LHB: variants seen among roughly 807,000 people sequenced by gnomAD.
LHB encodes the protein luteinizing hormone subunit beta, also known as lutropin subunit beta.
In LHB, 11 loss-of-function variants were observed where a neutral mutation model predicts 10.6. The ratio of observed to expected loss-of-function variants is 1.04; its 90% CI spans 0.66 to 1.72. LHB has a LOEUF of 1.72. Among genes scored for constraint, LHB ranks in the 40% most tolerant of loss-of-function variants. The pLI, the probability that LHB is intolerant of heterozygous loss-of-function variation, is 0.00. For synonymous variants in LHB, 86 were observed against 83.1 expected, an observed-to-expected ratio of 1.03 and a Z score of -0.19; for missense variants, 184 against 197.3, an observed-to-expected ratio of 0.93 and a Z score of 0.41.
At chr19:49,016,346 C>T (rs751277437) in intron 2 of LHB, 36 bp from the exon 3 acceptor site, 135 of 1,606,916 alleles carry the variant, frequency 8.4e-5, no homozygotes, top group Non-Finnish European at 1.1e-4. Context: ...GAGCATGTGC[C>T]TGAGGCCAGC....
chr19:49,018,439 T>C, upstream of LHB: 2 of 732,868 alleles, frequency 2.7e-6, no homozygotes, highest in Non-Finnish European at 3.8e-6. Context: ...AACTCCTGCA[T>C]TTCCAGGCGA....
At chr19:49,016,477 TCCTC>T in intron 2 of LHB, 66 bp downstream of exon 2, 3 of 1,603,664 alleles carry the variant, frequency 1.9e-6, no homozygotes, top group Non-Finnish European at 2.5e-6. Flanking sequence ...AGACCACCCT[TCCTC>T]CCCCGCTGCC....
rs1263026502 is a variant in LHB at position 49,016,589 on chromosome 19, G to A, written c.141C>T (p.Ile47=). ...AVEKEGCPVC[I]TVNTTICAGY... ...CGGCACAGATGGTGGTGTTGACGGT[G>A]ATGCACACTGGGCAGCCCTCCTTCT... Residue 47 remains isoleucine (I), a synonymous_variant, in exon 2 of 3, where the codon ATC becomes ATT. Coordinates refer to ENST00000649238, the MANE Select transcript of LHB (RefSeq NM_000894.3). The A allele has an allele frequency of 2.5e-6, 4 of 1,611,242 alleles. No homozygotes were observed. In the South Asian group the frequency reaches 3.3e-5, roughly 13 times the overall value.
At chr19:49,017,566 C>G, upstream of LHB, 1 of 1,094,538 alleles carries the variant, frequency 9.1e-7, no homozygotes, top group Non-Finnish European at 1.1e-6. Flanking sequence ...ACTGTGCTGC[C>G]AGGGAAGCCA....
upstream of LHB, chr19:49,018,950 T>C: frequency 6.5e-7 from 1 of 1,534,390 alleles, no homozygotes; most frequent in Non-Finnish European, 8.7e-7. Flanking sequence ...GGTCGGATAC[T>C]GTGAAAGGCC....
At position 49,016,124 on chromosome 19, in the gene LHB, T is replaced by C; in HGVS notation, c.370A>G (p.Lys124Glu). ...RRSTSDCGGP[K>E]DHPLTCDHPQ... ...TGGTCACAGGTCAAGGGGTGGTCTT[T>C]GGGACCCCCACAGTCAGAGGTGCTG... The change falls in exon 3 of 3, where the codon AAA becomes GAA. Residue 124 changes from lysine (K) to glutamate (E), a missense_variant. Coordinates refer to ENST00000649238, the MANE Select transcript of LHB (RefSeq NM_000894.3). The C allele has an allele frequency of 2.5e-6, 4 of 1,612,860 alleles. No homozygotes were observed. The highest frequency in any genetic ancestry group is 3.4e-6 in the Non-Finnish European group (4 of 1,179,988).
intron 1 of LHB, 46 bp downstream of exon 1, chr19:49,017,021 T>C (rs1568647073): frequency 1.2e-6 from 2 of 1,613,202 alleles, no homozygotes; most frequent in Middle Eastern, 1.9e-4. Context: ...ATGCCAGTGA[T>C]GGCCTGGAAG....
rs141051440 is a variant in LHB at position 49,016,868 on chromosome 19, C to T, written c.16-154G>A. On this transcript the variant is annotated intron_variant, in intron 1 of 2. Transcript: ENST00000649238. ...CACCCGGACACCTGCCTTTCAGAGC[C>T]CACCCCACAGCCCAGAGGACCTGAG... 571 of 1,574,094 alleles carry T rather than the reference C, an allele frequency of 3.6e-4. 6 individuals carry two copies. In the East Asian group the frequency reaches 0.011, roughly 31 times the overall value.
At chr19:49,018,211 C>T (rs2039590566), upstream of LHB, 6 of 536,110 alleles carry the variant, frequency 1.1e-5, no homozygotes, top group Non-Finnish European at 1.7e-5. Context: ...CGCGGACCCG[C>T]GGTGGTCGGG....
At chr19:49,017,255 C>T (rs186460227), upstream of LHB, among the ~76,000 whole-genome samples, 21 of 152,234 alleles carry the variant, frequency 1.4e-4, no homozygotes, top group Non-Finnish European at 2.9e-4. Flanking sequence ...CGCCCCAGCC[C>T]TCTCCCCTCA....
chr19:49,017,975 A>G (rs1436063917), upstream of LHB: 6 of 398,306 alleles, frequency 1.5e-5, no homozygotes, highest in African/African-American at 2.1e-5. Context: ...GGCTCACACC[A>G]GCGCCGGCTT....
chr19:49,016,856 G>A, intron 1 of LHB, 142 bp from the exon 2 acceptor site: 1 of 1,570,074 alleles, frequency 6.4e-7, no homozygotes, highest in Non-Finnish European at 8.6e-7. Flanking sequence ...CCGGACACCT[G>A]CCTTTCAGAG....
chr19:49,017,597 G>C (rs1166834949), upstream of LHB: 2 of 1,089,060 alleles, frequency 1.8e-6, no homozygotes, highest in Admixed American at 4.5e-5. Context: ...ATGCCCCCAA[G>C]GAGGGATTAA....
chr19:49,016,255 C>T lies in LHB; in HGVS notation c.239G>A (p.Arg80His), dbSNP rs555044443. 32 of 1,612,240 alleles carry T rather than the reference C, an allele frequency of 2.0e-5. 1 individual carries two copies. Among genetic ancestry groups the T allele is most frequent in the African/African-American group, 2.7e-5 (2 of 74,888 alleles). ...CCGGATGGACTCGAAGCGCACATCA[C>T]GGTAGGTGCACACCACCTGAGGCAG... ...PPLPQVVCTY[R>H]DVRFESIRLP... The change falls in exon 3 of 3, where the codon CGT becomes CAT. Residue 80 changes from arginine to histidine, a missense_variant. Physicochemically the swap from Arg to His is conservative, Grantham distance 29. Coordinates refer to ENST00000649238, the MANE Select transcript of LHB (RefSeq NM_000894.3).
At chr19:49,019,299 T>TCA, upstream of LHB, 3 of 1,229,580 alleles carry the variant, frequency 2.4e-6, no homozygotes, top group Non-Finnish European at 3.1e-6. Flanking sequence ...GGTTCCGCTC[T>TCA]GTCTTAAACC....
At chr19:49,018,235 G>T, upstream of LHB, 2 of 748,896 alleles carry the variant, frequency 2.7e-6, no homozygotes, top group Non-Finnish European at 3.7e-6. Flanking sequence ...GCCGGGAGGA[G>T]CGCGGACAGG....
chr19:49,016,775 C>T, intron 1 of LHB, 61 bp from the exon 2 acceptor site: 2 of 1,604,102 alleles, frequency 1.2e-6, no homozygotes, highest in Non-Finnish European at 1.7e-6. Flanking sequence ...CTGGCCTTCC[C>T]ATCCCGCGTG....
chr19:49,017,144 G>A (rs1255025126), upstream of LHB: 2 of 1,611,600 alleles, frequency 1.2e-6, no homozygotes, highest in African/African-American at 1.3e-5. Context: ...GGGCGGCAAG[G>A]CCACCAGGAG....
At position 49,016,320 on chromosome 19, in the gene LHB, G is replaced by T. The variant is rs370785744; in HGVS notation, c.184-10C>A. 6.2e-7 allele frequency: 1 copy of T among 1,609,788 alleles called. No individual in the cohort carries two copies. The highest frequency in any genetic ancestry group is 1.1e-5 in the South Asian group (1 of 90,984). ...CCTGCAGCACGCGCATCTGGAGGCC[G>T]TGTGAGTGGGGGAATGAGCATGTGC... On this transcript the variant is annotated splice_polypyrimidine_tract_variant and intron_variant, in intron 2 of 2. Transcript: ENST00000649238.
Sources: gnomAD v4.1 joint callset for allele counts (sites outside exome capture counted in the v4.1 genomes callset) on GRCh38, gnomAD v4.1.1 for gene constraint, MANE v1.5 for transcripts, NCBI Gene and HGNC (gene_info 2026-07-23, HGNC 2026-07-21) for gene names.